The following ABTB2 variants were observed in gnomAD, a reference collection of about 807,000 sequenced individuals.
ABTB2 encodes the protein ankyrin repeat and BTB domain containing 2.
Under a neutral mutation model 104.1 loss-of-function variants are expected in ABTB2, and 56 were observed. The ratio of observed to expected loss-of-function variants is 0.54; its 90% CI spans 0.43 to 0.67. ABTB2 has a LOEUF of 0.67. Among genes scored for constraint, ABTB2 ranks in the 30% least tolerant of loss-of-function variants. The probability of loss-of-function intolerance (pLI) is 0.00; values close to 1 mark genes in which losing one functional copy is unlikely to be tolerated. For synonymous variants in ABTB2, 606 were observed against 608.2 expected (o/e 1.00, Z 0.05); for missense variants, 1,279 against 1,407.7 (o/e 0.91, Z 1.46).
chr11:34,250,059 G>C (rs1854037483), intron 1 of ABTB2, among the ~76,000 whole-genome samples: 1 of 152,186 alleles, frequency 6.6e-6, no homozygotes, highest in African/African-American at 2.4e-5. Flanking sequence ...AAGATTGATA[G>C]GAGTTGGGAT....
intron 4 of ABTB2, among the ~76,000 whole-genome samples, chr11:34,171,587 A>G (rs561449533): frequency 2.0e-5 from 3 of 152,214 alleles, no homozygotes; most frequent in South Asian, 4.2e-4. Flanking sequence ...CAATCAATCA[A>G]TAAGTAAGTA....
At position 34,268,072 on chromosome 11, in the gene ABTB2, A is replaced by T. The variant is rs1323362219; in HGVS notation, c.884-63382T>A. Among the ~76,000 whole-genome samples, 85 of 152,178 alleles carry T rather than the reference A, an allele frequency of 5.6e-4. 1 individual carries two copies. The highest frequency in any genetic ancestry group is 1.5e-5 in the Non-Finnish European group (1 of 68,006). On this transcript the variant is annotated intron_variant, in intron 1 of 16. Transcript: ENST00000435224. ...CAGCCTCCTGAGTAGCTGGGACTAT[A>T]GGCGCCAGCCACCATGCTCGGCTAA... is the stretch of plus-strand genomic sequence containing the variant.
chr11:34,349,545 C>A (rs1007668840), intron 1 of ABTB2, among the ~76,000 whole-genome samples: 1 of 152,198 alleles, frequency 6.6e-6, no homozygotes, highest in Non-Finnish European at 1.5e-5. Flanking sequence ...ATCAGTGGAT[C>A]CAACACAAGT....
At chr11:34,213,109 C>T (rs1853503349) in intron 1 of ABTB2, among the ~76,000 whole-genome samples, 1 of 152,170 alleles carries the variant, frequency 6.6e-6, no homozygotes, top group Non-Finnish European at 1.5e-5. Context: ...TCTCTCCCAT[C>T]CAGCTGGCTC....
At chr11:34,237,560 A>G (rs1199890934) in intron 1 of ABTB2, among the ~76,000 whole-genome samples, 1 of 152,172 alleles carries the variant, frequency 6.6e-6, no homozygotes, top group African/African-American at 2.4e-5. Flanking sequence ...TTTCTGAATC[A>G]TTATTTGTAT....
At chr11:34,171,112 G>A in intron 4 of ABTB2, 41 bp from the exon 5 acceptor site, 1 of 1,595,326 alleles carries the variant, frequency 6.3e-7, no homozygotes. Flanking sequence ...ACTGTATGCA[G>A]ACAGCAACTT....
intron 14 of ABTB2, among the ~76,000 whole-genome samples, chr11:34,156,311 C>T (rs952426434): frequency 6.6e-6 from 1 of 152,178 alleles, no homozygotes; most frequent in Non-Finnish European, 1.5e-5. Flanking sequence ...TTTGCACAGC[C>T]TGGCAGTCCC....
rs1419825814 is a variant in ABTB2, at chr11:34,252,483, T to C, written c.884-47793A>G. On this transcript the variant is annotated intron_variant, in intron 1 of 16. Transcript: ENST00000435224. This position sits in a 1 kb window ranked among gnomAD's most constrained non-coding sequence, Gnocchi z 5.5. Reference sequence around the variant, plus strand: ...ATGACCTCCCCACCACCGCTGGGCATGACCCTAAGAGAAAGACTAGATTCC... The same window carrying C: ...ATGACCTCCCCACCACCGCTGGGCACGACCCTAAGAGAAAGACTAGATTCC... Among the ~76,000 whole-genome samples the C allele has an allele frequency of 6.6e-6, 1 of 152,088 alleles. No homozygotes were observed. Among genetic ancestry groups the C allele is most frequent in the African/African-American group, 2.4e-5 (1 of 41,414 alleles).
At chr11:34,238,160 C>T (rs1447091166) in intron 1 of ABTB2, among the ~76,000 whole-genome samples, 1 of 152,248 alleles carries the variant, frequency 6.6e-6, no homozygotes, top group Non-Finnish European at 1.5e-5. Flanking sequence ...CTAGCTGCCT[C>T]CTTGCTGTTC....
rs148487808 is a variant in ABTB2 at position 34,152,417 on chromosome 11, C to T, written c.3048G>A (p.Val1016=). ...CCCGGGAGGTGATGTAGACAGAGTG[C>T]ACGCGCTCTGCCAGGGTGTTCTGCA... ...QDLQNTLAER[V]HSVYITSRV The change falls in exon 17 of 17, where the codon GTG becomes GTA. Residue 1016 remains valine, a synonymous_variant. Coordinates refer to ENST00000435224, the MANE Select transcript of ABTB2 (RefSeq NM_145804.3). 2 of 1,583,316 alleles carry T rather than the reference C, an allele frequency of 1.3e-6. No individual in the cohort carries two copies. The highest frequency in any genetic ancestry group is 1.3e-5 in the African/African-American group (1 of 74,698).
chr11:34,153,511 G>C (rs141061722), intron 16 of ABTB2, among the ~76,000 whole-genome samples: 1 of 152,232 alleles, frequency 6.6e-6, no homozygotes, highest in East Asian at 1.9e-4. Context: ...TGGGACCACA[G>C]ATGCACGCCA....
chr11:34,356,030 C>T lies in ABTB2; in HGVS notation c.883+671G>A, dbSNP rs1487967917. On this transcript the variant is annotated intron_variant, in intron 1 of 16. Coordinates refer to ENST00000435224, the MANE Select transcript of ABTB2 (RefSeq NM_145804.3). The surrounding 1 kb of genome is among the most constrained non-coding windows in gnomAD (Gnocchi z 4.6). ...TGGTGACAGCTTGGAAAAATCAGGT[C>T]TCAGGAGACAATCTGTGGTTACTTT... Among the ~76,000 whole-genome samples the T allele has an allele frequency of 6.6e-6, 1 of 152,190 alleles. No individual in the cohort carries two copies. The highest frequency in any genetic ancestry group is 2.4e-5 in the African/African-American group (1 of 41,452).
At chr11:34,190,172 G>A (rs1232939522) in intron 3 of ABTB2, among the ~76,000 whole-genome samples, 2 of 152,144 alleles carry the variant, frequency 1.3e-5, no homozygotes, top group Non-Finnish European at 1.5e-5. Context: ...TCTGGAAGGT[G>A]GAGGCTGCAG....
chr11:34,286,020 C>T (rs1854500453), intron 1 of ABTB2, among the ~76,000 whole-genome samples: 2 of 151,784 alleles, frequency 1.3e-5, no homozygotes, highest in African/African-American at 4.9e-5. Flanking sequence ...ATTTACATTG[C>T]ACATTTATAG....
At chr11:34,353,012 C>T (rs1236943188) in intron 1 of ABTB2, among the ~76,000 whole-genome samples, 3 of 152,144 alleles carry the variant, frequency 2.0e-5, no homozygotes, top group East Asian at 1.9e-4. Context: ...CAGTGAACTA[C>T]GATTTTACCA....
At chr11:34,329,377 A>AC (rs1436857589) in intron 1 of ABTB2, among the ~76,000 whole-genome samples, 2 of 150,830 alleles carry the variant, frequency 1.3e-5, no homozygotes, top group African/African-American at 4.9e-5. Context: ...TTCCCACTCC[A>AC]CCCCCCTGCC....
Position 34,357,395 on chromosome 11 carries a change from G to A in ABTB2, c.189C>T (p.Ser63=). 1 of 1,545,074 alleles carries A rather than the reference G, an allele frequency of 6.5e-7. No homozygotes were observed. Among genetic ancestry groups the A allele is most frequent in the Non-Finnish European group, 8.7e-7 (1 of 1,143,284 alleles). ...AWWCYSGSMN[S]RHNSWDTVNT... ...TCACCGTGTCCCAGCTGTTGTGGCGGCTGTTCATGGAGCCGGAGTAGCACC... is the reference window on the plus strand; with the variant it reads ...TCACCGTGTCCCAGCTGTTGTGGCGACTGTTCATGGAGCCGGAGTAGCACC... The change falls in exon 1 of 17, where the codon AGC becomes AGT. Residue 63 remains serine (S), a synonymous_variant. Transcript: ENST00000435224.
At chr11:34,258,433 A>T (rs938683979) in intron 1 of ABTB2, among the ~76,000 whole-genome samples, 6 of 152,198 alleles carry the variant, frequency 3.9e-5, no homozygotes, top group African/African-American at 1.4e-4. Context: ...TAATGACACA[A>T]TAGTAGACTG....
intron 14 of ABTB2, among the ~76,000 whole-genome samples, chr11:34,156,508 C>G (rs1372153955): frequency 6.6e-6 from 1 of 151,468 alleles, no homozygotes; most frequent in African/African-American, 2.4e-5. Context: ...GCCCTCTGGG[C>G]TATATGCTCA....
Sources: gnomAD v4.1 joint callset for allele counts (sites outside exome capture counted in the v4.1 genomes callset) on GRCh38, gnomAD v4.1.1 for gene constraint, Gnocchi (gnomAD v3.1) non-coding constraint, MANE v1.5 for transcripts, NCBI Gene and HGNC (gene_info 2026-07-23, HGNC 2026-07-21) for gene names.